AP1G1: variants seen among roughly 807,000 people sequenced by gnomAD.
AP1G1 encodes the protein AP-1 complex subunit gamma-1.
Under a neutral mutation model 108.3 loss-of-function variants are expected in AP1G1, and 7 were observed. The observed-to-expected ratio is 0.06, with a 90% CI of 0.04 to 0.12. The LOEUF (loss-of-function observed/expected upper bound fraction) is 0.12. Among genes scored for constraint, AP1G1 ranks in the 10% least tolerant of loss-of-function variants. The probability of loss-of-function intolerance (pLI) is 1.00; values close to 1 mark genes in which losing one functional copy is unlikely to be tolerated. For synonymous variants in AP1G1, 379 were observed against 353.5 expected (o/e 1.07, Z -0.81); for missense variants, 756 against 1,010.7 (o/e 0.75, Z 3.42).
chr16:71,757,895 C>T (rs9939455), intron 11 of AP1G1, among the ~76,000 whole-genome samples: 51,715 of 152,000 alleles, frequency 0.34, 9,624 homozygotes, highest in East Asian at 0.76. Flanking sequence ...CATTTGATCC[C>T]CATGGGACTG....
chr16:71,788,198 T>A (rs1392484), intron 2 of AP1G1, among the ~76,000 whole-genome samples: 130,822 of 152,226 alleles, frequency 0.86, 56,378 homozygotes, highest in East Asian at 0.99. Context: ...ACCTAAACAG[T>A]AAATAAGCTG....
At chr16:71,797,565 C>T (rs573125440) in intron 1 of AP1G1, among the ~76,000 whole-genome samples, 3 of 152,196 alleles carry the variant, frequency 2.0e-5, no homozygotes, top group Admixed American at 6.5e-5. Context: ...CTTTGGGAGG[C>T]TGAGGTAGGC....
chr16:71,735,026 T>G (rs921797124), intron 21 of AP1G1, among the ~76,000 whole-genome samples: 1 of 152,200 alleles, frequency 6.6e-6, no homozygotes, highest in Admixed American at 6.5e-5. Context: ...CTTCACTTAA[T>G]GGTAACTGAT....
chr16:71,808,372 G>C, intron 1 of AP1G1: 1 of 903,232 alleles, frequency 1.1e-6, no homozygotes, highest in Non-Finnish European at 1.5e-6. Flanking sequence ...ACGGGTACAA[G>C]ACACAAGAAC....
chr16:71,774,526 T>C lies in AP1G1; in HGVS notation c.268A>G (p.Met90Val), dbSNP rs1439429467. ...TDKRIGYLGA[M>V]LLLDERQDVH... ...TCTTGTCTTTCATCTAACAGCAGCA[T>C]TGCCCCTAAATAGCCAATGCGTTTG... is the stretch of plus-strand genomic sequence containing the variant. The change falls in exon 3 of 23, where the codon ATG becomes GTG. Residue 90 changes from methionine (M) to valine (V), a missense_variant. This residue lies in a region of AP1G1 where 304 missense variants were observed against 483.6 expected (regional missense o/e 0.63). Transcript: ENST00000299980. 1.2e-6 allele frequency: 2 copies of C among 1,609,738 alleles called. No individual in the cohort carries two copies. Among genetic ancestry groups the C allele is most frequent in the East Asian group, 2.2e-5 (1 of 44,654 alleles).
chr16:71,798,343 C>T (rs1796765977), intron 1 of AP1G1, among the ~76,000 whole-genome samples: 1 of 152,092 alleles, frequency 6.6e-6, no homozygotes, highest in Admixed American at 6.6e-5. Flanking sequence ...GGACTATAGG[C>T]GCGTGCCACC....
chr16:71,731,173 A>C lies in AP1G1; in HGVS notation c.*1885T>G, dbSNP rs571821911. 3 of 152,600 alleles carry C rather than the reference A, an allele frequency of 2.0e-5. No homozygotes were observed. The highest frequency in any genetic ancestry group is 2.0e-4 in the Admixed American group (3 of 15,304). 9.5% of individuals were successfully genotyped at this position (152,600 alleles called of 1,614,324 possible). A position where few individuals can be genotyped will look rare whatever the true frequency, so the allele number is the denominator to read the frequency against. ...GGCAGAGCAGTTGTCTGAAATATGC[A>C]CTAGTCCACACTTACATTACTGAAA... On this transcript the variant is annotated 3_prime_UTR_variant, in exon 23 of 23. Transcript: ENST00000299980.
intron 2 of AP1G1, among the ~76,000 whole-genome samples, chr16:71,781,591 C>T (rs1294074527): frequency 6.6e-6 from 1 of 152,154 alleles, no homozygotes; most frequent in Non-Finnish European, 1.5e-5. Flanking sequence ...ATGTTTTAAA[C>T]TTTAAACAAA....
intron 1 of AP1G1, among the ~76,000 whole-genome samples, chr16:71,800,728 G>C (rs1408883105): frequency 1.3e-5 from 2 of 152,034 alleles, no homozygotes; most frequent in African/African-American, 4.8e-5. Context: ...GTGAACCTGG[G>C]AGGCAGAACT....
In AP1G1 at chr16:71,736,598, ATTTT is replaced by A. The variant is rs199980464; in HGVS notation, c.2269-1895_2269-1892del. Among the ~76,000 whole-genome samples the A allele has an allele frequency of 2.2e-3, 153 of 70,710 alleles. 3 individuals are homozygous for A. In the East Asian group the frequency reaches 0.027, roughly 12 times the overall value. 46.4% of individuals were successfully genotyped at this position (70,710 alleles called of 152,430 possible). The stretch of plus-strand genomic sequence containing the variant: ...TATTTATTTATTTATTTATTTATTT[ATTTT>A]TTGAGACGAGTCTCGCTCTGTTGCC... On this transcript the variant is annotated intron_variant, in intron 21 of 22. Coordinates refer to ENST00000299980, the MANE Select transcript of AP1G1 (RefSeq NM_001128.6).
intron 2 of AP1G1, among the ~76,000 whole-genome samples, chr16:71,780,451 A>G (rs1365010397): frequency 6.7e-6 from 1 of 149,906 alleles, no homozygotes; most frequent in Non-Finnish European, 1.5e-5. Flanking sequence ...CGATTGCACC[A>G]CTGCACTCCA....
At chr16:71,758,633 C>A in intron 11 of AP1G1, 175 bp downstream of exon 11, 1 of 606,916 alleles carries the variant, frequency 1.6e-6, no homozygotes, top group Non-Finnish European at 3.0e-6. Context: ...CCAATCCTTT[C>A]TAAAAAAAGG....
rs527536796 is a variant in AP1G1 at position 71,739,450 on chromosome 16, A to G, written c.2000-109T>C. The G allele has an allele frequency of 1.7e-5, 14 of 822,730 alleles. No individual in the cohort carries two copies. In the African/African-American group the frequency reaches 2.3e-4, roughly 13 times the overall value. 51.0% of individuals were successfully genotyped at this position (822,730 alleles called of 1,614,324 possible). ...CTCAGGTTAAGGAAAGATTCCTTAA[A>G]CAAGATGCAAAAAGCATAGACCACA... is the stretch of plus-strand genomic sequence containing the variant. On this transcript the variant is annotated intron_variant, in intron 19 of 22. Coordinates refer to ENST00000299980, the MANE Select transcript of AP1G1 (RefSeq NM_001128.6).
Position 71,742,007 on chromosome 16 carries a change from G to A in AP1G1, c.2000-2666C>T, listed in dbSNP as rs567140999. Among the ~76,000 whole-genome samples the A allele has an allele frequency of 1.2e-3, 179 of 152,096 alleles. 1 individual carries two copies. The highest frequency in any genetic ancestry group is 5.4e-4 in the Non-Finnish European group (37 of 68,010). The stretch of plus-strand genomic sequence containing the variant: ...CTACTGACTTAAATTTCTATATAAT[G>A]GGGTAAAACTGTAATGATAAATTAA... On this transcript the variant is annotated intron_variant, in intron 19 of 22. Transcript: ENST00000299980.
intron 13 of AP1G1, 108 bp from the exon 14 acceptor site, chr16:71,750,440 A>T: frequency 7.2e-7 from 1 of 1,381,856 alleles, no homozygotes; most frequent in African/African-American, 1.4e-5. Flanking sequence ...TTTGAGACAG[A>T]GTCTCGCTCT....
intron 2 of AP1G1, among the ~76,000 whole-genome samples, chr16:71,776,765 T>C (rs1377799921): frequency 1.3e-5 from 2 of 152,124 alleles, no homozygotes; most frequent in African/African-American, 4.8e-5. Context: ...GGGTCAAGTG[T>C]GGTTTTTTTG....
intron 19 of AP1G1, chr16:71,743,008 C>T (rs2029944446): frequency 1.3e-5 from 2 of 151,824 alleles, no homozygotes; most frequent in Admixed American, 1.3e-4. Context: ...CTACCCAATA[C>T]TAACGAACTG....
At chr16:71,761,397 C>A (rs2031077494) in intron 10 of AP1G1, 115 bp downstream of exon 10, 2 of 779,570 alleles carry the variant, frequency 2.6e-6, no homozygotes. Flanking sequence ...CATAAAAATT[C>A]TGAGCTAAAA....
chr16:71,761,940 A>G lies in AP1G1; in HGVS notation c.919-373T>C, dbSNP rs1398077678. 1.3e-5 allele frequency among the ~76,000 whole-genome samples: 2 copies of G among 152,072 alleles called. 1 individual carries two copies. Among genetic ancestry groups the G allele is most frequent in the Non-Finnish European group, 2.9e-5 (2 of 68,004 alleles). ...AGTGTTTTGTCAGTGGAAGAATAAT[A>G]TTAGTACAGCCTCTTTAGAGGGAAA... On this transcript the variant is annotated intron_variant, in intron 9 of 22. Coordinates refer to ENST00000299980, the MANE Select transcript of AP1G1 (RefSeq NM_001128.6).
Sources: gnomAD v4.1 joint callset for allele counts (sites outside exome capture counted in the v4.1 genomes callset) on GRCh38, gnomAD v4.1.1 for gene constraint, gnomAD v4.1.1 regional missense constraint, MANE v1.5 for transcripts, NCBI Gene and HGNC (gene_info 2026-07-23, HGNC 2026-07-21) for gene names.